LYN: variants seen among roughly 807,000 people sequenced by gnomAD.
LYN encodes the protein LYN proto-oncogene, Src family tyrosine kinase, also known as tyrosine-protein kinase Lyn.
In LYN, 12 loss-of-function variants were observed where a neutral mutation model predicts 65.0. The observed-to-expected ratio is 0.18, with a 90% CI of 0.12 to 0.30. The LOEUF (loss-of-function observed/expected upper bound fraction) is 0.30, where lower values mean the gene tolerates loss of function less well. Ranked by LOEUF, LYN falls within the 10% of genes least tolerant of loss-of-function variation. LYN has a pLI of 1.00. For synonymous variants in LYN, 222 were observed against 221.2 expected, an observed-to-expected ratio of 1.00 and a Z score of -0.03; for missense variants, 380 against 623.2, an observed-to-expected ratio of 0.61 and a Z score of 4.16.
chr8:55,966,645 G>A, intron 8 of LYN, 70 bp from the exon 9 acceptor site: 2 of 1,407,958 alleles, frequency 1.4e-6, no homozygotes, highest in Non-Finnish European at 2.0e-6. Flanking sequence ...TGGGATTATA[G>A]GTGTGAGCCA....
chr8:55,893,723 TATACTC>T (rs1276330534), intron 1 of LYN: 2 of 152,236 alleles, frequency 1.3e-5, no homozygotes, highest in African/African-American at 4.8e-5. Context: ...CTGTTCCAGA[TATACTC>T]AGAGAGTTAA....
chr8:55,978,864 C>T (rs971689902), intron 10 of LYN, among the ~76,000 whole-genome samples: 17 of 152,160 alleles, frequency 1.1e-4, no homozygotes, highest in African/African-American at 4.1e-4. Context: ...CTCCCTCTTC[C>T]TGATCCCTAG....
Position 55,946,512 on chromosome 8 carries a change from A to G in LYN, c.178+19A>G, listed in dbSNP as rs763344428. 42 of 1,563,592 alleles carry G rather than the reference A, an allele frequency of 2.7e-5. No homozygotes were observed. The Admixed American group carries it at 3.9e-4, about 15-fold the overall frequency. Reference sequence around the variant, plus strand: ...ACTAAAGGTATGTTTTCATAGCAACATAGTTAAAATTTTTTTTCTTTACTA... The same window carrying G: ...ACTAAAGGTATGTTTTCATAGCAACGTAGTTAAAATTTTTTTTCTTTACTA... On this transcript the variant is annotated intron_variant, in intron 3 of 12. Coordinates refer to ENST00000519728, the MANE Select transcript of LYN (RefSeq NM_002350.4).
At chr8:55,903,051 ATC>A (rs1805316981) in intron 1 of LYN, among the ~76,000 whole-genome samples, 2 of 152,158 alleles carry the variant, frequency 1.3e-5, no homozygotes, top group Admixed American at 6.5e-5. Context: ...GTTTCACCAT[ATC>A]GGCCAGGCTG....
At chr8:55,880,705 G>A (rs944691528) in intron 1 of LYN, among the ~76,000 whole-genome samples, 1 of 152,232 alleles carries the variant, frequency 6.6e-6, no homozygotes, top group Admixed American at 6.5e-5. Context: ...TCACCCTCCC[G>A]CTGCGGCGCC....
chr8:55,904,969 A>G (rs1805378639), intron 1 of LYN, among the ~76,000 whole-genome samples: 1 of 152,116 alleles, frequency 6.6e-6, no homozygotes, highest in Admixed American at 6.5e-5. Context: ...CCCATGCCCA[A>G]GCTGTTCCCT....
intron 1 of LYN, among the ~76,000 whole-genome samples, chr8:55,935,085 G>A (rs1806389805): frequency 6.6e-6 from 1 of 152,186 alleles, no homozygotes; most frequent in African/African-American, 2.4e-5. Flanking sequence ...CATGGAGGCA[G>A]CTCTGTGATC....
At chr8:55,902,061 G>A (rs1056001045) in intron 1 of LYN, among the ~76,000 whole-genome samples, 1 of 151,620 alleles carries the variant, frequency 6.6e-6, no homozygotes, top group Non-Finnish European at 1.5e-5. Context: ...AGACTGGACT[G>A]CAATGGTGCG....
Position 55,887,697 on chromosome 8 carries a change from C to T in LYN, c.-6+7594C>T, listed in dbSNP as rs1050361400. ...TGATCTCGGCTCACTGCAACCTCCA[C>T]CTCCCGGGTTCAAGTGATTCCTGTG... On this transcript the variant is annotated intron_variant, in intron 1 of 12. Transcript: ENST00000519728. Among the ~76,000 whole-genome samples, 4 of 148,924 alleles carry T rather than the reference C, an allele frequency of 2.7e-5. No individual in the cohort carries two copies. In the East Asian group the frequency reaches 5.9e-4, roughly 22 times the overall value.
chr8:55,913,121 C>T (rs983242843), intron 1 of LYN, among the ~76,000 whole-genome samples: 1 of 152,118 alleles, frequency 6.6e-6, no homozygotes, highest in African/African-American at 2.4e-5. Flanking sequence ...TATCCAAAAA[C>T]CTTTTTGCAA....
In LYN at chr8:56,011,122, A is replaced by T. The variant is rs892544279; in HGVS notation, c.*1012A>T. ...AAGTGCCACATTCGGGGCTATTTTTATGATTCAGCAATCTTTTCTAAATTG... is the reference window on the plus strand; with the variant it reads ...AAGTGCCACATTCGGGGCTATTTTTTTGATTCAGCAATCTTTTCTAAATTG... On this transcript the variant is annotated 3_prime_UTR_variant, in exon 13 of 13. Transcript: ENST00000519728. 12 of 229,396 alleles carry T rather than the reference A, an allele frequency of 5.2e-5. No individual in the cohort carries two copies. The highest frequency in any genetic ancestry group is 8.8e-5 in the African/African-American group (4 of 45,266). The allele number at this position is 229,396 out of a possible 1,614,324, so 14.2% of individuals were successfully genotyped here. A position where few individuals can be genotyped will look rare whatever the true frequency, so the allele number is the denominator to read the frequency against.
intron 7 of LYN, 133 bp from the exon 8 acceptor site, chr8:55,953,699 T>A: frequency 1.5e-6 from 1 of 652,700 alleles, no homozygotes; most frequent in Non-Finnish European, 2.5e-6. Flanking sequence ...CACAATTATG[T>A]CAAGGATGCA....
chr8:55,912,926 G>T (rs1167761359), intron 1 of LYN, among the ~76,000 whole-genome samples: 1 of 151,788 alleles, frequency 6.6e-6, no homozygotes, highest in Non-Finnish European at 1.5e-5. Flanking sequence ...CTTTTATATA[G>T]TAATGAAATT....
In LYN at chr8:56,011,974, T is replaced by G. The variant is rs1053005152; in HGVS notation, c.*1864T>G. On this transcript the variant is annotated 3_prime_UTR_variant, in exon 13 of 13. Coordinates refer to ENST00000519728, the MANE Select transcript of LYN (RefSeq NM_002350.4). ...GAAGTCTCTAGAAAATGACTAGAGG[T>G]TTTTTTTTTAGCATAACAAATTTAT... 5.8e-6 allele frequency: 1 copy of G among 172,162 alleles called. No individual in the cohort carries two copies. Among genetic ancestry groups the G allele is most frequent in the African/African-American group, 2.4e-5 (1 of 41,258 alleles). 10.7% of individuals were successfully genotyped at this position (172,162 alleles called of 1,614,324 possible). A position where few individuals can be genotyped will look rare whatever the true frequency, so the allele number is the denominator to read the frequency against.
intron 10 of LYN, among the ~76,000 whole-genome samples, chr8:55,997,804 G>T (rs185634012): frequency 6.6e-6 from 1 of 152,342 alleles, no homozygotes; most frequent in East Asian, 1.9e-4. Context: ...TTAAGACATG[G>T]CCAGGCGCGG....
Position 56,012,765 on chromosome 8 carries a change from T to C in LYN, c.*2655T>C, listed in dbSNP as rs1180117673. On this transcript the variant is annotated 3_prime_UTR_variant, in exon 13 of 13. Coordinates refer to ENST00000519728, the MANE Select transcript of LYN (RefSeq NM_002350.4). ...AAAAACCCTTCCCTGGTGAATATAA[T>C]GTATGCTCAGTCTTGAGAGTCACCA... 4 of 152,020 alleles carry C rather than the reference T, an allele frequency of 2.6e-5. No homozygotes were observed. The highest frequency in any genetic ancestry group is 6.6e-5 in the Admixed American group (1 of 15,250). The allele number at this position is 152,020 out of a possible 1,614,324, so 9.4% of individuals were successfully genotyped here.
chr8:56,005,988 G>T (rs1265417917), intron 12 of LYN, among the ~76,000 whole-genome samples: 3 of 152,134 alleles, frequency 2.0e-5, no homozygotes, highest in Non-Finnish European at 4.4e-5. Context: ...AGGAGGCTAA[G>T]GTGGGAGGAT....
At chr8:55,908,643 C>T (rs547949907) in intron 1 of LYN, among the ~76,000 whole-genome samples, 50 of 152,082 alleles carry the variant, frequency 3.3e-4, no homozygotes, top group African/African-American at 1.0e-3. Context: ...TTTTGTTACA[C>T]GGATATATTG....
intron 1 of LYN, among the ~76,000 whole-genome samples, chr8:55,894,589 T>C (rs1292704901): frequency 1.3e-5 from 2 of 151,518 alleles, no homozygotes; most frequent in African/African-American, 2.4e-5. Context: ...CTGGAGTTCA[T>C]TGGCGCTATC....
Sources: allele counts gnomAD v4.1 joint callset (sites outside exome capture counted in the v4.1 genomes callset), GRCh38; gene constraint gnomAD v4.1.1; transcripts MANE v1.5; gene names NCBI Gene and HGNC (gene_info 2026-07-23, HGNC 2026-07-21).